Variants in ASTN2 observed in about 807,000 individuals in gnomAD.
The protein encoded by ASTN2 is astrotactin 2.
Under a neutral mutation model 139.8 loss-of-function variants are expected in ASTN2, and 54 were observed. The ratio of observed to expected loss-of-function variants is 0.39; its 90% CI spans 0.31 to 0.48. ASTN2 has a LOEUF of 0.48. Among genes scored for constraint, ASTN2 ranks in the 20% least tolerant of loss-of-function variants. The pLI, the probability that ASTN2 is intolerant of heterozygous loss-of-function variation, is 0.95. For missense variants in ASTN2, 1,565 were observed against 1,725.1 expected (o/e 0.91, Z 1.64); for synonymous variants, 756 against 719.5 (o/e 1.05, Z -0.81).
intron 11 of ASTN2, among the ~76,000 whole-genome samples, chr9:116,828,991 C>T (rs1831725235): frequency 6.6e-6 from 1 of 151,946 alleles, no homozygotes; most frequent in South Asian, 2.1e-4. Context: ...TAACAAAACA[C>T]TGATGAAATA....
intron 16 of ASTN2, among the ~76,000 whole-genome samples, chr9:116,685,746 T>A (rs891800350): frequency 6.6e-6 from 1 of 151,976 alleles, no homozygotes; most frequent in Non-Finnish European, 1.5e-5. Context: ...TAAAGAAGAG[T>A]CAAACACTGA....
chr9:117,095,945 G>A, intron 5 of ASTN2, 99 bp downstream of exon 5: 1 of 1,134,012 alleles, frequency 8.8e-7, no homozygotes, highest in East Asian at 2.4e-5. Context: ...TGGGGACCAG[G>A]TTAGAGAAGA....
At chr9:117,184,581 T>C (rs935506300) in intron 3 of ASTN2, among the ~76,000 whole-genome samples, 1 of 152,152 alleles carries the variant, frequency 6.6e-6, no homozygotes, top group Non-Finnish European at 1.5e-5. Flanking sequence ...CCTTTATCTC[T>C]TTTGCATCAT....
intron 3 of ASTN2, among the ~76,000 whole-genome samples, chr9:117,172,583 C>T (rs1380917148): frequency 6.6e-6 from 1 of 152,136 alleles, no homozygotes; most frequent in Non-Finnish European, 1.5e-5. Context: ...GGAAAGTCCC[C>T]ATTGTCCCCA....
At chr9:116,564,073 T>C (rs1422901030) in intron 19 of ASTN2, among the ~76,000 whole-genome samples, 3 of 152,222 alleles carry the variant, frequency 2.0e-5, no homozygotes, top group Non-Finnish European at 4.4e-5. Context: ...ATTTTACAGT[T>C]GAGTAAGTGG....
At chr9:117,133,678 G>A (rs539773046) in intron 4 of ASTN2, among the ~76,000 whole-genome samples, 2 of 152,168 alleles carry the variant, frequency 1.3e-5, no homozygotes, top group South Asian at 4.1e-4. Context: ...ATAAAAGATA[G>A]TAAATGACAA....
intron 17 of ASTN2, among the ~76,000 whole-genome samples, chr9:116,632,394 A>G (rs1856851796): frequency 6.6e-6 from 1 of 151,980 alleles, no homozygotes; most frequent in African/African-American, 2.4e-5. Context: ...CAGGAATTTG[A>G]GACCAGCCTG....
chr9:117,361,331 G>A (rs1829687434), intron 1 of ASTN2, among the ~76,000 whole-genome samples: 1 of 152,170 alleles, frequency 6.6e-6, no homozygotes, highest in Non-Finnish European at 1.5e-5. Flanking sequence ...AGCATAGCAA[G>A]TCGCTCCCAT....
chr9:116,460,115 C>G (rs1258427853), intron 20 of ASTN2, among the ~76,000 whole-genome samples: 2 of 152,046 alleles, frequency 1.3e-5, no homozygotes, highest in African/African-American at 4.8e-5. Flanking sequence ...ATTCACTGAG[C>G]CTTGAAAACA....
At chr9:117,152,253 C>T (rs947814273) in intron 3 of ASTN2, among the ~76,000 whole-genome samples, 1 of 152,128 alleles carries the variant, frequency 6.6e-6, no homozygotes, top group Non-Finnish European at 1.5e-5. Flanking sequence ...GATAAGCCTG[C>T]GGAGGGTCTT....
chr9:116,764,641 T>A (rs1234351390), intron 13 of ASTN2, among the ~76,000 whole-genome samples: 1 of 152,228 alleles, frequency 6.6e-6, no homozygotes, highest in African/African-American at 2.4e-5. Flanking sequence ...TCATTACTAT[T>A]AATAGATAAA....
chr9:116,796,387 C>A (rs1266908273), intron 13 of ASTN2, among the ~76,000 whole-genome samples: 13 of 152,156 alleles, frequency 8.5e-5, no homozygotes, highest in Non-Finnish European at 2.9e-5. Flanking sequence ...AATGGTGGGT[C>A]TTGGTGCAGC....
chr9:116,833,900 T>C (rs990575757), intron 11 of ASTN2, among the ~76,000 whole-genome samples: 5 of 152,154 alleles, frequency 3.3e-5, no homozygotes, highest in African/African-American at 1.2e-4. Context: ...AAGAAGAGGA[T>C]GGGAGACCAG....
chr9:117,018,919 A>G (rs1837795012), intron 6 of ASTN2, among the ~76,000 whole-genome samples: 1 of 152,156 alleles, frequency 6.6e-6, no homozygotes, highest in Admixed American at 6.6e-5. Flanking sequence ...TTAACTGTAC[A>G]TGTCCTAAAT....
Position 117,291,527 on chromosome 9 carries a change from C to A in ASTN2, c.443-14G>T. Reference sequence around the variant, plus strand: ...TGCCAGACATCTCTGCAAGACAAGACCCGAGGCACTGGGTGAGCCGTACGC... The same window carrying A: ...TGCCAGACATCTCTGCAAGACAAGAACCGAGGCACTGGGTGAGCCGTACGC... On this transcript the variant is annotated splice_polypyrimidine_tract_variant and intron_variant, in intron 1 of 22. Coordinates refer to ENST00000313400, the MANE Select transcript of ASTN2 (RefSeq NM_001365068.1). 1 of 1,579,968 alleles carries A rather than the reference C, an allele frequency of 6.3e-7. No homozygotes were observed. The highest frequency in any genetic ancestry group is 8.6e-7 in the Non-Finnish European group (1 of 1,161,004).
At chr9:116,687,530 A>G (rs933252584) in intron 16 of ASTN2, 1 of 6,506 alleles carries the variant, frequency 1.5e-4, no homozygotes. Context: ...GGGCAGGACT[A>G]GGGTGGGGGT....
intron 4 of ASTN2, among the ~76,000 whole-genome samples, chr9:117,101,927 G>A (rs956954744): frequency 2.0e-5 from 3 of 152,168 alleles, no homozygotes; most frequent in Non-Finnish European, 2.9e-5. Flanking sequence ...ATACATTGCT[G>A]CTGGATATGC....
intron 17 of ASTN2, among the ~76,000 whole-genome samples, chr9:116,632,570 G>A (rs1311720363): frequency 1.3e-5 from 2 of 152,056 alleles, no homozygotes; most frequent in South Asian, 2.1e-4. Context: ...ATATCCCACC[G>A]CCATAGCCTG....
At chr9:117,004,418 C>A (rs908944690) in intron 7 of ASTN2, among the ~76,000 whole-genome samples, 1 of 152,118 alleles carries the variant, frequency 6.6e-6, no homozygotes, top group Non-Finnish European at 1.5e-5. Context: ...CGCACCTGGC[C>A]CAGTTGGCCT....
Sources: gnomAD v4.1 joint callset for allele counts (sites outside exome capture counted in the v4.1 genomes callset) on GRCh38, gnomAD v4.1.1 for gene constraint, MANE v1.5 for transcripts, NCBI Gene and HGNC (gene_info 2026-07-23, HGNC 2026-07-21) for gene names.